The following SLC30A5 variants were observed in gnomAD, a reference collection of about 807,000 sequenced individuals.
SLC30A5 encodes proton-coupled zinc antiporter SLC30A5.
A neutral mutation model predicts 79.6 loss-of-function variants in SLC30A5; 33 were observed. That is an observed-to-expected ratio of 0.41 (90% CI 0.31 to 0.55). The LOEUF (loss-of-function observed/expected upper bound fraction) is 0.55. Among genes scored for constraint, SLC30A5 ranks in the 20% least tolerant of loss-of-function variants. SLC30A5 has a pLI of 0.20. For synonymous variants in SLC30A5, 299 were observed against 319.7 expected (o/e 0.94, Z 0.69); for missense variants, 788 against 928.1 (o/e 0.85, Z 1.96).
chr5:69,126,875 GA>G (rs139486374), intron 14 of SLC30A5, among the ~76,000 whole-genome samples: 60,258 of 145,570 alleles, frequency 0.41, 12,425 homozygotes, highest in East Asian at 0.53. Context: ...GTGCAAAAAA[GA>G]AAAAAAAAAA....
At chr5:69,119,840 T>C (rs550880302) in intron 12 of SLC30A5, among the ~76,000 whole-genome samples, 1 of 151,780 alleles carries the variant, frequency 6.6e-6, no homozygotes, top group African/African-American at 2.4e-5. Context: ...GTCAACATAG[T>C]GAAACCCCAT....
At chr5:69,112,423 T>C (rs1467049467) in intron 5 of SLC30A5, among the ~76,000 whole-genome samples, 1 of 152,158 alleles carries the variant, frequency 6.6e-6, no homozygotes, top group East Asian at 1.9e-4. Flanking sequence ...TTCCTCAGCC[T>C]GAACAACATG....
intron 1 of SLC30A5, among the ~76,000 whole-genome samples, chr5:69,097,862 C>A (rs551747969): frequency 6.6e-6 from 1 of 151,720 alleles, no homozygotes; most frequent in South Asian, 2.1e-4. Context: ...TTTTAAAGTT[C>A]CAATTAATGA....
At chr5:69,108,596 C>T (rs572912423) in intron 5 of SLC30A5, among the ~76,000 whole-genome samples, 160 bp downstream of exon 5, 13 of 152,184 alleles carry the variant, frequency 8.5e-5, no homozygotes, top group South Asian at 6.2e-4. Flanking sequence ...CTGAGGTGGG[C>T]GGATTACATG....
intron 14 of SLC30A5, among the ~76,000 whole-genome samples, chr5:69,123,810 G>A (rs1053356827): frequency 6.6e-6 from 1 of 152,070 alleles, no homozygotes; most frequent in Non-Finnish European, 1.5e-5. Context: ...TAGCGCTTGA[G>A]AATAAGAAAA....
chr5:69,104,096 G>A (rs371333684), intron 3 of SLC30A5: 7 of 1,489,464 alleles, frequency 4.7e-6, no homozygotes, highest in Non-Finnish European at 6.3e-6. Flanking sequence ...TCTACCAGCA[G>A]ACAAGAATAT....
intron 4 of SLC30A5, among the ~76,000 whole-genome samples, chr5:69,105,534 C>T (rs752194442): frequency 6.6e-6 from 1 of 151,994 alleles, no homozygotes; most frequent in Non-Finnish European, 1.5e-5. Flanking sequence ...AGCAAAACCC[C>T]GCCTTTATTA....
chr5:69,107,167 T>G (rs1197901282), intron 4 of SLC30A5, among the ~76,000 whole-genome samples: 3 of 152,174 alleles, frequency 2.0e-5, no homozygotes, highest in African/African-American at 7.2e-5. Flanking sequence ...CTGGCACTTT[T>G]TTGTTAAAAA....
chr5:69,123,654 G>T, intron 14 of SLC30A5: 1 of 411,348 alleles, frequency 2.4e-6, no homozygotes. Flanking sequence ...CCGAATAGAT[G>T]GATGAGATTT....
chr5:69,129,703 C>A lies in SLC30A5; in HGVS notation c.*86C>A. ...AATATTGCCAGAAGGATAAAAATTA[C>A]ACATTAACTGTACAGAAACAGAGTT... On this transcript the variant is annotated 3_prime_UTR_variant, in exon 16 of 16. Coordinates refer to ENST00000396591, the MANE Select transcript of SLC30A5 (RefSeq NM_022902.5). 8.0e-7 allele frequency: 1 copy of A among 1,250,878 alleles called. No homozygotes were observed. Among genetic ancestry groups the A allele is most frequent in the Middle Eastern group, 2.7e-4 (1 of 3,734 alleles). The allele number at this position is 1,250,878 out of a possible 1,614,324, so 77.5% of individuals were successfully genotyped here. A position where few individuals can be genotyped will look rare whatever the true frequency, so the allele number is the denominator to read the frequency against.
intron 2 of SLC30A5, 169 bp from the exon 3 acceptor site, chr5:69,102,893 C>A (rs1580168092): frequency 8.1e-6 from 3 of 369,552 alleles, no homozygotes; most frequent in East Asian, 4.6e-5. Context: ...CAAAATATTG[C>A]AATAGGAGTT....
At chr5:69,112,157 C>G (rs1193706919) in intron 5 of SLC30A5, among the ~76,000 whole-genome samples, 3 of 151,930 alleles carry the variant, frequency 2.0e-5, no homozygotes, top group Non-Finnish European at 4.4e-5. Flanking sequence ...ATTAGCCAAG[C>G]ATGGTGATGT....
chr5:69,113,753 T>C (rs1158042661), intron 6 of SLC30A5, among the ~76,000 whole-genome samples: 2 of 152,206 alleles, frequency 1.3e-5, no homozygotes, highest in Non-Finnish European at 2.9e-5. Flanking sequence ...TTCTATTTTC[T>C]ATTCATACAT....
At chr5:69,102,988 G>C (rs1334122841) in intron 2 of SLC30A5, 74 bp from the exon 3 acceptor site, 1 of 675,358 alleles carries the variant, frequency 1.5e-6, no homozygotes, top group Non-Finnish European at 2.5e-6. Flanking sequence ...TTTAAAATAA[G>C]TGTCTTTACT....
At position 69,114,489 on chromosome 5, in the gene SLC30A5, A is replaced by G. The variant is rs1375133922; in HGVS notation, c.605A>G (p.Asp202Gly). 6.3e-7 allele frequency: 1 copy of G among 1,583,988 alleles called. No homozygotes were observed. The highest frequency in any genetic ancestry group is 8.7e-7 in the Non-Finnish European group (1 of 1,154,200). ...YTAIAFLGVADHKGGVLLLVL... is the reference protein window; with the variant it reads ...YTAIAFLGVAGHKGGVLLLVL... ...GCCATTGCCTTCTTAGGTGTGGCAG[A>G]TCACAAGGTATGATTTCTTTGTTCC... Residue 202 changes from aspartate (D) to glycine (G), a missense_variant, in exon 7 of 16, where the codon GAT (aspartate) becomes GGT (glycine). Asp to Gly is a moderately conservative substitution (Grantham distance 94). Coordinates refer to ENST00000396591, the MANE Select transcript of SLC30A5 (RefSeq NM_022902.5).
At chr5:69,108,088 G>A (rs950254092) in intron 4 of SLC30A5, among the ~76,000 whole-genome samples, 5 of 152,196 alleles carry the variant, frequency 3.3e-5, no homozygotes, top group African/African-American at 1.2e-4. Context: ...AACCTGGTAA[G>A]TGTTACCTGA....
At chr5:69,099,077 A>G (rs1745830683) in intron 1 of SLC30A5, among the ~76,000 whole-genome samples, 1 of 152,244 alleles carries the variant, frequency 6.6e-6, no homozygotes, top group South Asian at 2.1e-4. Context: ...TGATTCTGCA[A>G]TAAACTACAA....
At chr5:69,097,007 C>T (rs927783267) in intron 1 of SLC30A5, among the ~76,000 whole-genome samples, 1 of 150,274 alleles carries the variant, frequency 6.7e-6, no homozygotes, top group African/African-American at 2.4e-5. Flanking sequence ...CACAAAAAAC[C>T]AACAACAACA....
Position 69,102,016 on chromosome 5 carries a change from T to TA in SLC30A5, c.207-1045dup, listed in dbSNP as rs565766028. ...AATTTTGGTAAGTTGGGAAAGAGATTATTGACTAGGAAATATTAAGCACCA... is the reference window on the plus strand; with the variant it reads ...AATTTTGGTAAGTTGGGAAAGAGATTAATTGACTAGGAAATATTAAGCACCA... On this transcript the variant is annotated intron_variant, in intron 2 of 15. Transcript: ENST00000396591. 1.1e-4 allele frequency among the ~76,000 whole-genome samples: 16 copies of TA among 149,340 alleles called. No individual in the cohort carries two copies. In the East Asian group the frequency reaches 2.5e-3, roughly 24 times the overall value.
Sources: gnomAD v4.1 joint callset for allele counts (sites outside exome capture counted in the v4.1 genomes callset) on GRCh38, gnomAD v4.1.1 for gene constraint, MANE v1.5 for transcripts, NCBI Gene and HGNC (gene_info 2026-07-23, HGNC 2026-07-21) for gene names.